SNX24: variants seen among roughly 807,000 people sequenced by gnomAD.
The protein encoded by SNX24 is sorting nexin 24.
A neutral mutation model predicts 28.7 loss-of-function variants in SNX24; 22 were observed. That is an observed-to-expected ratio of 0.77 (90% CI 0.55 to 1.10). SNX24 has a LOEUF of 1.10. Ranked by LOEUF, SNX24 falls within the 50% of genes least tolerant of loss-of-function variation. The pLI, the probability that SNX24 is intolerant of heterozygous loss-of-function variation, is 0.00. For missense variants in SNX24, 221 were observed against 201.1 expected (o/e 1.10, Z -0.60); for synonymous variants, 69 against 71.5 (o/e 0.96, Z 0.18).
rs549300964 is a variant in SNX24 at position 122,858,721 on chromosome 5, A to G, written c.60+13028A>G. The stretch of plus-strand genomic sequence containing the variant: ...TTTGTGCCAATCTGATAGGTGAACA[A>G]TAGTATCACAATGTAATTCTTAATG... On this transcript the variant is annotated intron_variant, in intron 1 of 6. Coordinates refer to ENST00000261369, the MANE Select transcript of SNX24 (RefSeq NM_014035.4). Among the ~76,000 whole-genome samples, 9 of 152,366 alleles carry G rather than the reference A, an allele frequency of 5.9e-5. No individual in the cohort carries two copies. In the South Asian group the frequency reaches 1.2e-3, roughly 21 times the overall value.
At chr5:122,896,537 G>A (rs185684723) in intron 1 of SNX24, among the ~76,000 whole-genome samples, 1 of 152,252 alleles carries the variant, frequency 6.6e-6, no homozygotes, top group Non-Finnish European at 1.5e-5. Flanking sequence ...TCAAGCCACA[G>A]ACCCTTTTAT....
At chr5:122,996,561 T>C (rs1762059969) in intron 3 of SNX24, among the ~76,000 whole-genome samples, 1 of 152,188 alleles carries the variant, frequency 6.6e-6, no homozygotes, top group African/African-American at 2.4e-5. Flanking sequence ...ATGGATAAAA[T>C]AGGTTGTTGG....
chr5:122,896,185 T>C (rs1757194400), intron 1 of SNX24, among the ~76,000 whole-genome samples: 1 of 152,166 alleles, frequency 6.6e-6, no homozygotes, highest in Non-Finnish European at 1.5e-5. Flanking sequence ...GAGTTTTGTT[T>C]GTTTGTTTTT....
intron 1 of SNX24, among the ~76,000 whole-genome samples, chr5:122,878,258 A>G (rs1311680114): frequency 6.6e-6 from 1 of 152,070 alleles, no homozygotes; most frequent in Non-Finnish European, 1.5e-5. Flanking sequence ...GCTCAGCTCA[A>G]TGGAGGCCTG....
chr5:122,914,048 G>A (rs1184647786), intron 1 of SNX24, among the ~76,000 whole-genome samples: 2 of 152,176 alleles, frequency 1.3e-5, no homozygotes, highest in Non-Finnish European at 2.9e-5. Context: ...GCAGTGAGCC[G>A]AGATGGCAGC....
chr5:123,012,825 A>G (rs1168449329), downstream of SNX24, among the ~76,000 whole-genome samples: 3 of 152,174 alleles, frequency 2.0e-5, no homozygotes, highest in Non-Finnish European at 4.4e-5. Context: ...CAATCCTGAA[A>G]CAGTAGTTCT....
chr5:122,857,753 T>A (rs188732943), intron 1 of SNX24, among the ~76,000 whole-genome samples: 66 of 152,370 alleles, frequency 4.3e-4, no homozygotes, highest in African/African-American at 1.5e-3. Context: ...TTCTTTTTTA[T>A]GGCTGCATAA....
chr5:122,893,830 T>A (rs1214459415), intron 1 of SNX24, among the ~76,000 whole-genome samples: 1 of 152,056 alleles, frequency 6.6e-6, no homozygotes, highest in Non-Finnish European at 1.5e-5. Flanking sequence ...ATCACTTGAG[T>A]TCAGGAGTTC....
In SNX24 at chr5:123,008,925, T is replaced by A; in HGVS notation, c.*1176T>A. 1.0e-6 allele frequency: 1 copy of A among 985,002 alleles called. No homozygotes were observed. The highest frequency in any genetic ancestry group is 4.7e-5 in the South Asian group (1 of 21,256). 61.0% of individuals were successfully genotyped at this position (985,002 alleles called of 1,614,324 possible). A position where few individuals can be genotyped will look rare whatever the true frequency, so the allele number is the denominator to read the frequency against. On this transcript the variant is annotated 3_prime_UTR_variant, in exon 7 of 7. Transcript: ENST00000261369. ...TGAGATCTAATTAATAGCTAGCCTATTTATGGTTATTCGTTTTAGTAAGTT... is the reference window on the plus strand; with the variant it reads ...TGAGATCTAATTAATAGCTAGCCTAATTATGGTTATTCGTTTTAGTAAGTT...
At chr5:123,015,673 C>T (rs1472914431) in intron 5 of SNX24, among the ~76,000 whole-genome samples, 1 of 152,000 alleles carries the variant, frequency 6.6e-6, no homozygotes, top group Non-Finnish European at 1.5e-5. Flanking sequence ...TTCTGATGCA[C>T]CATAAAGTTT....
chr5:122,931,223 T>C (rs1758940104), intron 1 of SNX24, among the ~76,000 whole-genome samples: 1 of 152,320 alleles, frequency 6.6e-6, no homozygotes, highest in South Asian at 2.1e-4. Context: ...ATGTGGCATC[T>C]TAAAATAGAG....
intron 3 of SNX24, among the ~76,000 whole-genome samples, chr5:122,992,052 GCAGTAAATGT>G (rs1761876890): frequency 6.6e-6 from 1 of 152,198 alleles, no homozygotes; most frequent in African/African-American, 2.4e-5. Flanking sequence ...TATTATGCAT[GCAGTAAATGT>G]CAGTAAATAT....
chr5:122,942,460 C>T (rs1471464768), intron 2 of SNX24, among the ~76,000 whole-genome samples: 3 of 152,186 alleles, frequency 2.0e-5, no homozygotes, highest in Non-Finnish European at 4.4e-5. Flanking sequence ...GTGTTTCCCG[C>T]TTCTTTAACT....
intron 1 of SNX24, among the ~76,000 whole-genome samples, chr5:122,902,685 T>G (rs1194605815): frequency 6.6e-6 from 1 of 152,152 alleles, no homozygotes; most frequent in Non-Finnish European, 1.5e-5. Flanking sequence ...AGTACACACA[T>G]TCAGGTGTGT....
intron 5 of SNX24, 109 bp downstream of exon 5, chr5:123,001,546 A>T (rs1762247275): frequency 3.6e-6 from 3 of 836,396 alleles, no homozygotes; most frequent in Non-Finnish European, 5.8e-6. Context: ...TTGTTTGGAA[A>T]TTGGTTTTAA....
At chr5:122,909,753 A>G (rs1239299434) in intron 1 of SNX24, among the ~76,000 whole-genome samples, 1 of 152,198 alleles carries the variant, frequency 6.6e-6, no homozygotes, top group Admixed American at 6.5e-5. Flanking sequence ...TGAGGTTTCC[A>G]TGGGGCAGAG....
At chr5:123,009,976 T>C (rs1762539634), downstream of SNX24, among the ~76,000 whole-genome samples, 1 of 152,176 alleles carries the variant, frequency 6.6e-6, no homozygotes, top group Admixed American at 6.5e-5. Flanking sequence ...GGACCTGTTA[T>C]CTCCATGAGA....
chr5:122,963,295 C>A (rs926375893), intron 3 of SNX24, among the ~76,000 whole-genome samples: 3 of 152,174 alleles, frequency 2.0e-5, no homozygotes, highest in African/African-American at 7.2e-5. Context: ...CGGCTCACAG[C>A]TGCATGCTGC....
At chr5:122,861,899 A>G (rs1755475789) in intron 1 of SNX24, among the ~76,000 whole-genome samples, 1 of 151,964 alleles carries the variant, frequency 6.6e-6, no homozygotes, top group African/African-American at 2.4e-5. Context: ...CCTTTTCTCT[A>G]TTTCTTGCTA....
Sources: gnomAD v4.1 joint callset for allele counts (sites outside exome capture counted in the v4.1 genomes callset) on GRCh38, gnomAD v4.1.1 for gene constraint, MANE v1.5 for transcripts, NCBI Gene and HGNC (gene_info 2026-07-23, HGNC 2026-07-21) for gene names.